ADSL: variants seen among roughly 807,000 people sequenced by gnomAD.
ADSL encodes adenylosuccinate lyase, also known as adenylosuccinase.
In ADSL, 44 loss-of-function variants were observed where a neutral mutation model predicts 62.1. The ratio of observed to expected loss-of-function variants is 0.71; its 90% CI spans 0.56 to 0.91. ADSL has a LOEUF of 0.91. Among genes scored for constraint, ADSL ranks in the 40% least tolerant of loss-of-function variants. The pLI, the probability that ADSL is intolerant of heterozygous loss-of-function variation, is 0.00. For synonymous variants in ADSL, 198 were observed against 220.5 expected (o/e 0.90, Z 0.90); for missense variants, 531 against 627.4 (o/e 0.85, Z 1.64).
intron 2 of ADSL, among the ~76,000 whole-genome samples, chr22:40,379,669 A>G (rs1387435967): frequency 6.6e-6 from 1 of 152,068 alleles, no homozygotes; most frequent in Non-Finnish European, 1.5e-5. Context: ...ATCAACCTGT[A>G]GTTATCTCTT....
intron 2 of ADSL, among the ~76,000 whole-genome samples, chr22:40,380,747 G>T (rs904275405): frequency 6.6e-6 from 1 of 152,088 alleles, no homozygotes; most frequent in African/African-American, 2.4e-5. Context: ...ACCAGCCTGG[G>T]CAACATAGTA....
intron 10 of ADSL, among the ~76,000 whole-genome samples, chr22:40,363,949 C>T (rs971592852): frequency 4.6e-5 from 7 of 151,526 alleles, no homozygotes; most frequent in South Asian, 4.2e-4. Flanking sequence ...TGGTGGCGGG[C>T]GCCTGTAGTC....
chr22:40,366,142 A>G (rs2044996848), intron 12 of ADSL, among the ~76,000 whole-genome samples: 1 of 152,046 alleles, frequency 6.6e-6, no homozygotes, highest in Non-Finnish European at 1.5e-5. Flanking sequence ...AGGGCTGGGA[A>G]GCAGGAGGAA....
chr22:40,359,511 TG>T (rs1423899845), intron 6 of ADSL, among the ~76,000 whole-genome samples: 1 of 147,042 alleles, frequency 6.8e-6, no homozygotes, highest in East Asian at 2.0e-4. Flanking sequence ...CTAATCGTCT[TG>T]CTGACATATT....
Position 40,359,306 on chromosome 22 carries a change from G to T in ADSL, c.701G>T (p.Arg234Ile), listed in dbSNP as rs748105288. 1.9e-6 allele frequency: 3 copies of T among 1,613,876 alleles called. No homozygotes were observed. The highest frequency in any genetic ancestry group is 2.7e-5 in the African/African-American group (2 of 74,882). The change falls in exon 6 of 13, where the codon AGA (arginine) becomes ATA (isoleucine). Residue 234 changes from arginine (R) to isoleucine (I), a missense_variant and splice_region_variant. By Grantham distance (97) the Arg-to-Ile change is moderately conservative (BLOSUM62 -3). Around this residue, in one of 2 missense-constraint regions of ADSL, gnomAD observed 471 missense variants for 592.9 expected, o/e 0.79. Transcript: ENST00000623063. ...KMVTEKAGFK[R>I]AFIITGQTYT... ...GTGACAGAAAAGGCAGGATTTAAGA[G>T]GTAGGTAAATGGGAATGTGTTGGCC...
intron 3 of ADSL, chr22:40,353,916 G>T: frequency 2.5e-6 from 1 of 395,498 alleles, no homozygotes; most frequent in South Asian, 2.3e-5. Context: ...ATGAGCCACC[G>T]CGCCCGGCCC....
At chr22:40,353,156 C>T (rs766272495) in intron 3 of ADSL, 39 bp downstream of exon 3, 1 of 1,562,702 alleles carries the variant, frequency 6.4e-7, no homozygotes, top group Non-Finnish European at 8.8e-7. Flanking sequence ...ACCCTAGATT[C>T]CCTATGTTAG....
At chr22:40,346,816 C>A in intron 1 of ADSL, 105 bp downstream of exon 1, 2 of 1,248,168 alleles carry the variant, frequency 1.6e-6, no homozygotes, top group Non-Finnish European at 2.2e-6. Flanking sequence ...AGCTGCGGCC[C>A]GGCTATTTTC....
rs1380095056 is a variant in ADSL, at chr22:40,349,833, C to T, written c.155C>T (p.Thr52Ile). 1.9e-6 allele frequency: 3 copies of T among 1,613,650 alleles called. No homozygotes were observed. Among genetic ancestry groups the T allele is most frequent in the Non-Finnish European group, 2.5e-6 (3 of 1,179,620 alleles). The stretch of plus-strand genomic sequence containing the variant: ...TATTTTATTTTGCCTATTCTGCAGA[C>T]ATTGGGTTTGCCTATCACAGATGAA... ...LWLWLAEAEQ[T>I]LGLPITDEQI... The change falls in exon 2 of 13, where the codon ACA becomes ATA. Residue 52 changes from threonine to isoleucine, a missense_variant and splice_region_variant. This residue lies in a region of ADSL where 471 missense variants were observed against 592.9 expected (regional missense o/e 0.79). Coordinates refer to ENST00000623063, the MANE Select transcript of ADSL (RefSeq NM_000026.4).
downstream of ADSL, among the ~76,000 whole-genome samples, chr22:40,371,950 C>T (rs559801985): frequency 4.6e-5 from 7 of 152,040 alleles, no homozygotes; most frequent in Non-Finnish European, 1.0e-4. Flanking sequence ...CCGCCCGTCT[C>T]GGGCCTCCCA....
At chr22:40,353,983 G>T in intron 3 of ADSL, 1 of 533,560 alleles carries the variant, frequency 1.9e-6, no homozygotes, top group Non-Finnish European at 3.4e-6. Flanking sequence ...TGGGATATGT[G>T]GGTCAGGATT....
At chr22:40,375,207 A>C (rs1013550856) in intron 2 of ADSL, among the ~76,000 whole-genome samples, 5 of 152,174 alleles carry the variant, frequency 3.3e-5, no homozygotes, top group Non-Finnish European at 7.3e-5. Context: ...CTCTCTACTA[A>C]TGATGTAAAT....
At chr22:40,359,141 T>C in intron 5 of ADSL, 106 bp downstream of exon 5, 3 of 1,585,084 alleles carry the variant, frequency 1.9e-6, no homozygotes, top group Non-Finnish European at 8.7e-7. Flanking sequence ...ATGGGTGGGG[T>C]CTTTCGACTA....
At chr22:40,355,109 G>A (rs1230354858) in intron 4 of ADSL, among the ~76,000 whole-genome samples, 1 of 152,060 alleles carries the variant, frequency 6.6e-6, no homozygotes, top group Admixed American at 6.6e-5. Flanking sequence ...TGAGATAATA[G>A]GAAAATTAAA....
At chr22:40,353,981 G>T (rs2044453014) in intron 3 of ADSL, 2 of 530,390 alleles carry the variant, frequency 3.8e-6, no homozygotes, top group Non-Finnish European at 6.8e-6. Context: ...GCTGGGATAT[G>T]TGGGTCAGGA....
chr22:40,385,913 G>A (rs1015337610), intron 2 of ADSL, among the ~76,000 whole-genome samples: 7 of 151,930 alleles, frequency 4.6e-5, no homozygotes, highest in African/African-American at 7.3e-5. Context: ...GTGCAGTGGT[G>A]CAACCTCAGC....
chr22:40,383,203 C>T (rs1398075417), intron 2 of ADSL, among the ~76,000 whole-genome samples: 1 of 152,062 alleles, frequency 6.6e-6, no homozygotes, highest in East Asian at 1.9e-4. Flanking sequence ...TGCAGTGGCT[C>T]ACACCTGTAA....
chr22:40,380,494 G>A (rs2047392676), intron 2 of ADSL, among the ~76,000 whole-genome samples: 1 of 151,732 alleles, frequency 6.6e-6, no homozygotes, highest in Non-Finnish European at 1.5e-5. Context: ...AGCATCCCGA[G>A]TAGTTGGGAT....
chr22:40,363,069 AAAGT>A lies in ADSL; in HGVS notation c.1101+2_1101+5del. On this transcript the variant is annotated splice_donor_variant and coding_sequence_variant, in exon 10 of 13. Transcript: ENST00000623063. LOFTEE classifies it high-confidence loss of function. Reference sequence around the variant, plus strand: ...TTCTGAAGGATTGGTCGTGTACCCCAAAGTAAGAAGCCTCAATTCAAAAGTAAAG... The same window carrying A: ...TTCTGAAGGATTGGTCGTGTACCCCAAAGAAGCCTCAATTCAAAAGTAAAG... 6.2e-7 allele frequency: 1 copy of A among 1,613,692 alleles called. No homozygotes were observed.
Sources: allele counts gnomAD v4.1 joint callset (sites outside exome capture counted in the v4.1 genomes callset), GRCh38; gene constraint gnomAD v4.1.1; regional missense constraint gnomAD v4.1.1; transcripts MANE v1.5; gene names NCBI Gene and HGNC (gene_info 2026-07-23, HGNC 2026-07-21).